Variants in UNC5D observed in about 807,000 individuals in gnomAD.
UNC5D encodes the protein netrin receptor UNC5D.
A neutral mutation model predicts 105.4 loss-of-function variants in UNC5D; 39 were observed. The ratio of observed to expected loss-of-function variants is 0.37; its 90% CI spans 0.29 to 0.48. The LOEUF is 0.48. UNC5D is among the 20% of genes least tolerant of loss of function. The probability of loss-of-function intolerance (pLI) is 0.98; values close to 1 mark genes in which losing one functional copy is unlikely to be tolerated. For synonymous variants in UNC5D, 452 were observed against 450.4 expected, an observed-to-expected ratio of 1.00 and a Z score of -0.04; for missense variants, 991 against 1,202.4, an observed-to-expected ratio of 0.82 and a Z score of 2.60.
chr8:35,604,472 T>G (rs1312403473), intron 4 of UNC5D, among the ~76,000 whole-genome samples: 5 of 152,188 alleles, frequency 3.3e-5, no homozygotes, highest in Non-Finnish European at 7.3e-5. Flanking sequence ...TGGCTGCCCT[T>G]AACATTTTTT....
intron 4 of UNC5D, among the ~76,000 whole-genome samples, chr8:35,611,895 A>G (rs566282838): frequency 6.6e-6 from 1 of 152,356 alleles, no homozygotes; most frequent in East Asian, 1.9e-4. Flanking sequence ...CGACATTTTA[A>G]TGGTTTTCCA....
At chr8:35,597,152 G>T (rs1563573107) in intron 4 of UNC5D, among the ~76,000 whole-genome samples, 1 of 152,150 alleles carries the variant, frequency 6.6e-6, no homozygotes, top group Non-Finnish European at 1.5e-5. Flanking sequence ...ACACATACTT[G>T]CATATTTAGA....
At chr8:35,437,691 G>A (rs1460152525) in intron 1 of UNC5D, among the ~76,000 whole-genome samples, 5 of 152,002 alleles carry the variant, frequency 3.3e-5, no homozygotes, top group East Asian at 1.9e-4. Context: ...TATCTAAGAA[G>A]GCTATAGAAA....
At chr8:35,353,547 A>G (rs1228327841) in intron 1 of UNC5D, among the ~76,000 whole-genome samples, 1 of 152,196 alleles carries the variant, frequency 6.6e-6, no homozygotes, top group Non-Finnish European at 1.5e-5. Context: ...TTGAAATGCT[A>G]GATATATTGC....
At chr8:35,711,291 T>C (rs1168747441) in intron 8 of UNC5D, among the ~76,000 whole-genome samples, 1 of 152,128 alleles carries the variant, frequency 6.6e-6, no homozygotes, top group Non-Finnish European at 1.5e-5. Flanking sequence ...GCGATTCTCC[T>C]GCCTCAGCCT....
chr8:35,324,233 C>CAAAAAAAA lies in UNC5D; in HGVS notation c.103+88360_103+88367dup, dbSNP rs569409228. Among the ~76,000 whole-genome samples, 284 of 62,776 alleles carry CAAAAAAAA rather than the reference C, an allele frequency of 4.5e-3. 19 individuals are homozygous for CAAAAAAAA. The highest frequency in any genetic ancestry group is 0.028 in the East Asian group (56 of 1,976). The allele number at this position is 62,776 out of a possible 152,430, so 41.2% of individuals were successfully genotyped here. A position where few individuals can be genotyped will look rare whatever the true frequency, so the allele number is the denominator to read the frequency against. On this transcript the variant is annotated intron_variant, in intron 1 of 16. Coordinates refer to ENST00000404895, the MANE Select transcript of UNC5D (RefSeq NM_080872.4). ...AGGCAACAGAGCAAGACCCTGTCTC[C>CAAAAAAAA]AAAAAAAAAAAAAAAAAAAAAGTGA... is the stretch of plus-strand genomic sequence containing the variant.
intron 4 of UNC5D, among the ~76,000 whole-genome samples, chr8:35,669,079 A>G (rs1320957931): frequency 6.6e-6 from 1 of 152,030 alleles, no homozygotes; most frequent in Non-Finnish European, 1.5e-5. Context: ...CAATCTGTCT[A>G]TAGTTTCTGA....
intron 8 of UNC5D, among the ~76,000 whole-genome samples, chr8:35,713,044 A>ATT (rs142422954): frequency 2.7e-5 from 4 of 149,678 alleles, no homozygotes; most frequent in Admixed American, 2.7e-4. Context: ...CAACATTTGT[A>ATT]TTTTTTTTTT....
At chr8:35,693,429 T>C (rs1826543599) in intron 7 of UNC5D, among the ~76,000 whole-genome samples, 1 of 152,188 alleles carries the variant, frequency 6.6e-6, no homozygotes, top group African/African-American at 2.4e-5. Flanking sequence ...ATCTCCCTTC[T>C]CAATGAAGAC....
chr8:35,357,399 G>A (rs1424240835), intron 1 of UNC5D, among the ~76,000 whole-genome samples: 1 of 152,112 alleles, frequency 6.6e-6, no homozygotes, highest in Non-Finnish European at 1.5e-5. Context: ...ACCCCAGACT[G>A]CTGGGCAAAA....
chr8:35,708,991 C>A (rs746150829), intron 8 of UNC5D, among the ~76,000 whole-genome samples: 9 of 152,150 alleles, frequency 5.9e-5, no homozygotes, highest in African/African-American at 2.2e-4. Flanking sequence ...ACTTGGAGAG[C>A]CTCCTAGAGC....
At chr8:35,438,717 G>C (rs1430352258) in intron 1 of UNC5D, among the ~76,000 whole-genome samples, 1 of 151,988 alleles carries the variant, frequency 6.6e-6, no homozygotes, top group Admixed American at 6.6e-5. Context: ...AGGAAGCAAG[G>C]CTCCAAGTAT....
chr8:35,238,428 T>A (rs1173384229), intron 1 of UNC5D, among the ~76,000 whole-genome samples: 2 of 152,230 alleles, frequency 1.3e-5, no homozygotes, highest in African/African-American at 4.8e-5. Context: ...GCTCTTCAGA[T>A]GAACATCTCT....
At chr8:35,419,764 C>G (rs1171505295) in intron 1 of UNC5D, among the ~76,000 whole-genome samples, 1 of 152,298 alleles carries the variant, frequency 6.6e-6, no homozygotes, top group East Asian at 1.9e-4. Context: ...CACAGTGTTA[C>G]TGGTCCTTTT....
At position 35,235,487 on chromosome 8, in the gene UNC5D, G is replaced by C. The variant is rs564650245; in HGVS notation, c.-298G>C. 1.4e-5 allele frequency: 4 copies of C among 282,170 alleles called. No homozygotes were observed. The highest frequency in any genetic ancestry group is 2.6e-5 in the Non-Finnish European group (4 of 152,584). The allele number at this position is 282,170 out of a possible 1,614,324, so 17.5% of individuals were successfully genotyped here. On this transcript the variant is annotated 5_prime_UTR_variant, in exon 1 of 17. Coordinates refer to ENST00000404895, the MANE Select transcript of UNC5D (RefSeq NM_080872.4). ...TCTCGCCTCCGCTCCGTAGTTCGGG[G>C]CCCGGCAGCGGCGCGAGGGCTGGGA...
intron 8 of UNC5D, among the ~76,000 whole-genome samples, chr8:35,718,097 CTT>C (rs57590798): frequency 0.03 from 4,308 of 143,234 alleles, 216 homozygotes; most frequent in African/African-American, 0.1. Flanking sequence ...GGTTTGGGGG[CTT>C]TTTTTTTTTT....
Position 35,550,549 on chromosome 8 carries a change from G to C in UNC5D, c.322+1039G>C, listed in dbSNP as rs774767869. On this transcript the variant is annotated intron_variant, in intron 2 of 16. Transcript: ENST00000404895. ...ATCAGCCTAATTTATTAACTATATAGCAACGATATTCTATATAACAAGGTA... is the reference window on the plus strand; with the variant it reads ...ATCAGCCTAATTTATTAACTATATACCAACGATATTCTATATAACAAGGTA... 4.6e-5 allele frequency among the ~76,000 whole-genome samples: 7 copies of C among 152,148 alleles called. 1 individual carries two copies. The highest frequency in any genetic ancestry group is 8.8e-5 in the Non-Finnish European group (6 of 68,008).
intron 1 of UNC5D, among the ~76,000 whole-genome samples, chr8:35,506,915 C>A (rs1812339473): frequency 6.6e-6 from 1 of 152,112 alleles, no homozygotes; most frequent in Non-Finnish European, 1.5e-5. Flanking sequence ...GCAAATGATA[C>A]CGGCCATGTT....
At chr8:35,663,083 A>AAACCAGTCC (rs1051753575) in intron 4 of UNC5D, among the ~76,000 whole-genome samples, 8 of 152,170 alleles carry the variant, frequency 5.3e-5, no homozygotes, top group Non-Finnish European at 1.2e-4. Flanking sequence ...GTCTTCCACA[A>AAACCAGTCC]AACCAGTCCA....
Sources: allele counts gnomAD v4.1 joint callset (sites outside exome capture counted in the v4.1 genomes callset), GRCh38; gene constraint gnomAD v4.1.1; transcripts MANE v1.5; gene names NCBI Gene and HGNC (gene_info 2026-07-23, HGNC 2026-07-21).